ROBO2: variants seen among roughly 807,000 people sequenced by gnomAD.
ROBO2 encodes the protein roundabout homolog 2.
Under a neutral mutation model 160.8 loss-of-function variants are expected in ROBO2, and 53 were observed. The observed-to-expected ratio is 0.33, with a 90% CI of 0.26 to 0.41. The LOEUF (loss-of-function observed/expected upper bound fraction) is 0.41. Ranked by LOEUF, ROBO2 falls within the 10% of genes least tolerant of loss-of-function variation. ROBO2 has a pLI of 1.00. For synonymous variants in ROBO2, 664 were observed against 611.7 expected (o/e 1.09, Z -1.26); for missense variants, 1,577 against 1,722.4 (o/e 0.92, Z 1.49).
intron 22 of ROBO2, among the ~76,000 whole-genome samples, chr3:77,621,875 A>G (rs2094908331): frequency 6.6e-6 from 1 of 152,328 alleles, no homozygotes; most frequent in Non-Finnish European, 1.5e-5. Flanking sequence ...ACTGAGAACA[A>G]AAGTATAATA....
chr3:77,112,063 G>A (rs544991069), intron 2 of ROBO2, among the ~76,000 whole-genome samples: 9 of 151,730 alleles, frequency 5.9e-5, no homozygotes, highest in African/African-American at 2.2e-4. Context: ...AAATACAATA[G>A]TTAGCCGGGT....
At position 76,828,286 on chromosome 3, in the gene ROBO2, A is replaced by T. The variant is rs375866698; in HGVS notation, c.110-269728A>T. Among the ~76,000 whole-genome samples the T allele has an allele frequency of 1.8e-4, 28 of 152,240 alleles. No individual in the cohort carries two copies. In the South Asian group the frequency reaches 5.6e-3, roughly 30 times the overall value. On this transcript the variant is annotated intron_variant, in intron 2 of 26. Coordinates refer to the ROBO2 transcript ENST00000487694. ...AAGAGTGGCATGTGGTAGGTGTTCAATAAATAATTCCTTTATACACTTTAT... is the reference window on the plus strand; with the variant it reads ...AAGAGTGGCATGTGGTAGGTGTTCATTAAATAATTCCTTTATACACTTTAT...
chr3:77,181,059 T>C (rs894842347), intron 2 of ROBO2, among the ~76,000 whole-genome samples: 21 of 152,258 alleles, frequency 1.4e-4, no homozygotes, highest in African/African-American at 4.8e-4. Context: ...AACTGTGACC[T>C]TCAGTGCCTA....
intron 2 of ROBO2, among the ~76,000 whole-genome samples, chr3:77,264,872 T>C (rs1010336335): frequency 6.6e-5 from 10 of 152,164 alleles, no homozygotes; most frequent in Admixed American, 5.9e-4. Flanking sequence ...AGTTAAGATA[T>C]TATATTTCAA....
intron 2 of ROBO2, among the ~76,000 whole-genome samples, chr3:76,166,381 C>T (rs1361148407): frequency 2.0e-5 from 3 of 152,106 alleles, no homozygotes; most frequent in Non-Finnish European, 4.4e-5. Flanking sequence ...ATTTTGCTGC[C>T]ATGTTCAGCT....
chr3:76,109,010 CT>C (rs1397079112), intron 2 of ROBO2, among the ~76,000 whole-genome samples: 1 of 151,488 alleles, frequency 6.6e-6, no homozygotes, highest in Non-Finnish European at 1.5e-5. Flanking sequence ...TTCTCTGTAT[CT>C]TTTTTCGCAA....
intron 2 of ROBO2, among the ~76,000 whole-genome samples, chr3:76,806,480 G>T (rs2064723724): frequency 6.6e-6 from 1 of 151,720 alleles, no homozygotes; most frequent in Non-Finnish European, 1.5e-5. Flanking sequence ...GTTAAGGAAG[G>T]TGCAATGTAG....
intron 2 of ROBO2, among the ~76,000 whole-genome samples, chr3:76,386,780 A>G (rs1457449898): frequency 1.3e-5 from 2 of 152,096 alleles, no homozygotes; most frequent in African/African-American, 4.8e-5. Context: ...TCACTTCTCA[A>G]ATGCTTTGCA....
chr3:77,602,461 T>G (rs1302738003), exon 20 of ROBO2: 1 of 1,614,034 alleles, frequency 6.2e-7, no homozygotes, highest in African/African-American at 1.3e-5. Context: ...ATTTGGTTAT[T>G]CTCTACCTGA....
intron 2 of ROBO2, among the ~76,000 whole-genome samples, chr3:77,098,782 G>A (rs1051185486): frequency 7.2e-5 from 11 of 152,078 alleles, no homozygotes; most frequent in Non-Finnish European, 4.4e-5. Context: ...TGTGAACCCG[G>A]GAGGCGGAGC....
intron 2 of ROBO2, among the ~76,000 whole-genome samples, chr3:76,663,394 T>C (rs2091903720): frequency 6.6e-6 from 1 of 152,162 alleles, no homozygotes; most frequent in Non-Finnish European, 1.5e-5. Flanking sequence ...CCGTCCTTAC[T>C]GAAGGGGGAG....
At chr3:77,531,108 T>G (rs973869810) in intron 6 of ROBO2, among the ~76,000 whole-genome samples, 1 of 152,012 alleles carries the variant, frequency 6.6e-6, no homozygotes, top group Non-Finnish European at 1.5e-5. Context: ...GTGACTTGTA[T>G]ACCATATGCT....
intron 2 of ROBO2, among the ~76,000 whole-genome samples, chr3:76,243,717 G>A (rs927387627): frequency 2.0e-5 from 3 of 152,164 alleles, no homozygotes; most frequent in East Asian, 1.9e-4. Context: ...CCTCCCTGTA[G>A]CCAAGTTAAT....
At chr3:77,153,535 A>G (rs543886263) in intron 2 of ROBO2, among the ~76,000 whole-genome samples, 36 of 152,250 alleles carry the variant, frequency 2.4e-4, no homozygotes, top group African/African-American at 7.5e-4. Context: ...TTTTCGACCA[A>G]TGCTGAATAG....
chr3:76,790,488 A>G (rs1450475094), intron 2 of ROBO2, among the ~76,000 whole-genome samples: 1 of 151,736 alleles, frequency 6.6e-6, no homozygotes, highest in African/African-American at 2.4e-5. Context: ...TGACAAACTC[A>G]TTGTTAAGTT....
chr3:76,555,429 A>G (rs1387253824), intron 2 of ROBO2, among the ~76,000 whole-genome samples: 2 of 67,992 alleles, frequency 2.9e-5, no homozygotes, highest in Non-Finnish European at 6.6e-5. Flanking sequence ...AAGAAGGAGA[A>G]GGGGAAGGGG....
chr3:76,100,463 TTC>T (rs1372148604), intron 2 of ROBO2, among the ~76,000 whole-genome samples: 2 of 152,210 alleles, frequency 1.3e-5, no homozygotes, highest in African/African-American at 4.8e-5. Flanking sequence ...CCATTCCAAT[TTC>T]TGTCCATTTG....
Position 75,957,702 on chromosome 3 carries a change from A to G in ROBO2, c.109+20100A>G, listed in dbSNP as rs530781039. 1.5e-3 allele frequency among the ~76,000 whole-genome samples: 220 copies of G among 150,402 alleles called. 2 individuals are homozygous for G. The highest frequency in any genetic ancestry group is 5.1e-3 in the African/African-American group (207 of 40,618). ...TTAGATTTTGAAAAACATTACTAAGAGGGTTTTTTTTTTTCATCTTTGGAA... is the reference window on the plus strand; with the variant it reads ...TTAGATTTTGAAAAACATTACTAAGGGGGTTTTTTTTTTTCATCTTTGGAA... On this transcript the variant is annotated intron_variant, in intron 2 of 26. Coordinates refer to the ROBO2 transcript ENST00000487694.
chr3:76,443,391 C>T (rs2077018289), intron 2 of ROBO2, among the ~76,000 whole-genome samples: 1 of 152,002 alleles, frequency 6.6e-6, no homozygotes, highest in Admixed American at 6.6e-5. Context: ...CCATGGTCTC[C>T]CGCATCCACT....
Sources: allele counts gnomAD v4.1 joint callset (sites outside exome capture counted in the v4.1 genomes callset), GRCh38; gene constraint gnomAD v4.1.1; transcripts MANE v1.5; gene names NCBI Gene and HGNC (gene_info 2026-07-23, HGNC 2026-07-21).